Variants in CNNM4 observed in about 807,000 individuals in gnomAD.
CNNM4 encodes the protein metal transporter CNNM4.
Under a neutral mutation model 53.7 loss-of-function variants are expected in CNNM4, and 32 were observed. The ratio of observed to expected loss-of-function variants is 0.60; its 90% confidence interval spans 0.45 to 0.80. The LOEUF (loss-of-function observed/expected upper bound fraction) is 0.80, where lower values mean the gene tolerates loss of function less well. Among genes scored for constraint, CNNM4 ranks in the 30% least tolerant of loss-of-function variants. The probability of loss-of-function intolerance (pLI) is 0.00; values close to 1 mark genes in which losing one functional copy is unlikely to be tolerated. For synonymous variants in CNNM4, 410 were observed against 440.0 expected, an observed-to-expected ratio of 0.93 and a Z score of 0.85; for missense variants, 784 against 1,022.0, an observed-to-expected ratio of 0.77 and a Z score of 3.17.
At position 96,808,812 on chromosome 2, in the gene CNNM4, C is replaced by T. The variant is rs1574089316; in HGVS notation, c.2130+70C>T. ...AGGAATCAGCTACTACTTTCATCCA[C>T]CAAACCCAGCATGGTGGGCCCAAAC... On this transcript the variant is annotated intron_variant, in intron 6 of 6. Coordinates refer to ENST00000377075, the MANE Select transcript of CNNM4 (RefSeq NM_020184.4). This position sits in a 1 kb window ranked among gnomAD's most constrained non-coding sequence, Gnocchi z 4.9. 6.6e-7 allele frequency: 1 copy of T among 1,512,450 alleles called. No individual in the cohort carries two copies. Among genetic ancestry groups the T allele is most frequent in the Non-Finnish European group, 9.2e-7 (1 of 1,090,950 alleles). 93.7% of individuals were successfully genotyped at this position (1,512,450 alleles called of 1,614,324 possible).
intron 1 of CNNM4, among the ~76,000 whole-genome samples, chr2:96,786,733 C>T (rs1009679672): frequency 2.1e-5 from 3 of 143,508 alleles, no homozygotes; most frequent in Admixed American, 1.4e-4. Context: ...GAGCTGGGAT[C>T]GCACCACTGC....
chr2:96,775,010 G>A (rs1469789798), intron 1 of CNNM4, among the ~76,000 whole-genome samples: 1 of 139,342 alleles, frequency 7.2e-6, no homozygotes, highest in African/African-American at 2.7e-5. Flanking sequence ...CCAGAAGATT[G>A]GGAGATTCCA....
At chr2:96,806,110 C>T (rs547455490) in intron 5 of CNNM4, among the ~76,000 whole-genome samples, 4 of 145,172 alleles carry the variant, frequency 2.8e-5, no homozygotes, top group Non-Finnish European at 3.0e-5. Context: ...CCGGAGGGGG[C>T]GGCTGGCCGG....
In CNNM4 at chr2:96,799,547, T is replaced by C. The variant is rs1463178539; in HGVS notation, c.1852-5T>C. ...GTCTCTAACTCCAGCCCTGTGTTTT[T>C]TCAGGGGAAGGTGGAGGTGGAGGCA... On this transcript the variant is annotated splice_polypyrimidine_tract_variant and splice_region_variant and intron_variant, in intron 4 of 6. Coordinates refer to ENST00000377075, the MANE Select transcript of CNNM4 (RefSeq NM_020184.4). 1 of 1,553,324 alleles carries C rather than the reference T, an allele frequency of 6.4e-7. No individual in the cohort carries two copies. Among genetic ancestry groups the C allele is most frequent in the South Asian group, 1.2e-5 (1 of 84,160 alleles).
rs374638753 is a variant in CNNM4 at position 96,806,535 on chromosome 2, A to ACACACACACG, written c.1949-2025_1949-2024insACACACACGC. Among the ~76,000 whole-genome samples the ACACACACACG allele has an allele frequency of 2.1e-3, 259 of 123,976 alleles. 1 individual carries two copies. The highest frequency in any genetic ancestry group is 3.1e-3 in the Non-Finnish European group (174 of 55,430). 81.3% of individuals were successfully genotyped at this position (123,976 alleles called of 152,430 possible). The stretch of plus-strand genomic sequence containing the variant: ...CACACACACACACACACACACACAC[A>ACACACACACG]CGCGCGCGCGCGCGCGCGCCCTTAG... On this transcript the variant is annotated intron_variant, in intron 5 of 6. Coordinates refer to ENST00000377075, the MANE Select transcript of CNNM4 (RefSeq NM_020184.4).
intron 1 of CNNM4, among the ~76,000 whole-genome samples, chr2:96,783,668 C>T (rs2078992889): frequency 6.6e-6 from 1 of 152,154 alleles, no homozygotes; most frequent in African/African-American, 2.4e-5. Context: ...GAAAGTTAAA[C>T]ACACAAAACC....
chr2:96,803,666 C>CA (rs2079177595), intron 5 of CNNM4, among the ~76,000 whole-genome samples: 1 of 151,260 alleles, frequency 6.6e-6, no homozygotes, highest in African/African-American at 2.4e-5. Flanking sequence ...GCGGAGGTTG[C>CA]AGTGAGCTGA....
chr2:96,769,909 G>T (rs2078853918), intron 1 of CNNM4, among the ~76,000 whole-genome samples: 1 of 152,240 alleles, frequency 6.6e-6, no homozygotes, highest in South Asian at 2.1e-4. Context: ...ACAGGAGCTG[G>T]TTAATACTCC....
rs145313223 is a variant in CNNM4, at chr2:96,764,589, G to A, written c.1402+2188G>A. On this transcript the variant is annotated intron_variant, in intron 1 of 6. Transcript: ENST00000377075. The stretch of plus-strand genomic sequence containing the variant: ...AACCAGTTTTAACTCATTGCACACC[G>A]GGTTCCCTGCAGCGTGGCCTCTTCC... Among the ~76,000 whole-genome samples, 624 of 152,204 alleles carry A rather than the reference G, an allele frequency of 4.1e-3. 4 individuals are homozygous for A. Among genetic ancestry groups the A allele is most frequent in the African/African-American group, 0.014 (596 of 41,514 alleles).
rs886056481 is a variant in CNNM4, at chr2:96,811,082, C to T, written c.*1565C>T. Reference sequence around the variant, plus strand: ...CTTTCCTCACCCCAAGTGCCCTGCTCTCCAGGTGCCTAGAGTATCCTAACT... The same window carrying T: ...CTTTCCTCACCCCAAGTGCCCTGCTTTCCAGGTGCCTAGAGTATCCTAACT... On this transcript the variant is annotated 3_prime_UTR_variant, in exon 7 of 7. Transcript: ENST00000377075. The T allele has an allele frequency of 5.3e-5, 8 of 152,282 alleles. No individual in the cohort carries two copies. The highest frequency in any genetic ancestry group is 1.0e-4 in the Non-Finnish European group (7 of 68,092). 9.4% of individuals were successfully genotyped at this position (152,282 alleles called of 1,614,324 possible).
chr2:96,809,879 A>G lies in CNNM4; in HGVS notation c.*362A>G. ...AAAATATTTTTTTCCTAAAAACTAT[A>G]AAAGAGGAAGGGTTTCTTGTCCCGG... On this transcript the variant is annotated 3_prime_UTR_variant, in exon 7 of 7. Transcript: ENST00000377075. 1 of 174,152 alleles carries G rather than the reference A, an allele frequency of 5.7e-6. No homozygotes were observed. The highest frequency in any genetic ancestry group is 1.5e-4 in the East Asian group (1 of 6,664). 10.8% of individuals were successfully genotyped at this position (174,152 alleles called of 1,614,324 possible). A position where few individuals can be genotyped will look rare whatever the true frequency, so the allele number is the denominator to read the frequency against.
In CNNM4 at chr2:96,809,651, C is replaced by T. The variant is rs912563112; in HGVS notation, c.*134C>T. On this transcript the variant is annotated 3_prime_UTR_variant, in exon 7 of 7. Transcript: ENST00000377075. ...GACTGAACAGCCAGATGGCCCCCAGCCTATGGGGGATCTGGCCTCTGCCAG... is the reference window on the plus strand; with the variant it reads ...GACTGAACAGCCAGATGGCCCCCAGTCTATGGGGGATCTGGCCTCTGCCAG... 3 of 782,914 alleles carry T rather than the reference C, an allele frequency of 3.8e-6. No homozygotes were observed. Among genetic ancestry groups the T allele is most frequent in the African/African-American group, 3.5e-5 (2 of 57,592 alleles). The allele number at this position is 782,914 out of a possible 1,614,324, so 48.5% of individuals were successfully genotyped here. A position where few individuals can be genotyped will look rare whatever the true frequency, so the allele number is the denominator to read the frequency against.
intron 1 of CNNM4, among the ~76,000 whole-genome samples, chr2:96,790,782 G>C (rs1253796203): frequency 1.3e-5 from 2 of 150,904 alleles, no homozygotes; most frequent in African/African-American, 2.4e-5. Flanking sequence ...TTGGGAGTTA[G>C]AGACCAGCCT....
chr2:96,790,633 C>T (rs2079053874), intron 1 of CNNM4, among the ~76,000 whole-genome samples: 1 of 149,900 alleles, frequency 6.7e-6, no homozygotes, highest in Non-Finnish European at 1.5e-5. Flanking sequence ...GGATTACAGG[C>T]ATGAGCCACC....
At chr2:96,779,981 T>C (rs903102165) in intron 1 of CNNM4, among the ~76,000 whole-genome samples, 10 of 152,042 alleles carry the variant, frequency 6.6e-5, no homozygotes, top group African/African-American at 2.4e-4. Flanking sequence ...TTTTGTATTT[T>C]AGTAGAGACG....
rs756554389 is a variant in CNNM4 at position 96,796,707 on chromosome 2, G to C, written c.1403-305G>C. Among the ~76,000 whole-genome samples, 77 of 152,318 alleles carry C rather than the reference G, an allele frequency of 5.1e-4. 1 individual carries two copies. Among genetic ancestry groups the C allele is most frequent in the Admixed American group, 2.6e-4 (4 of 15,296 alleles). On this transcript the variant is annotated intron_variant, in intron 1 of 6. Transcript: ENST00000377075. ...GCCCAGAAGTTGGCGGCTGCAGTGA[G>C]CTATGATTGCGCCACTGCACTCCAG...
chr2:96,809,203 G>A, intron 6 of CNNM4, 117 bp from the exon 7 acceptor site: 1 of 1,549,052 alleles, frequency 6.5e-7, no homozygotes, highest in Non-Finnish European at 8.7e-7. Context: ...CAGAGACGCT[G>A]ACTGGTCATG....
chr2:96,793,232 C>T (rs900701182), intron 1 of CNNM4, among the ~76,000 whole-genome samples: 2 of 152,122 alleles, frequency 1.3e-5, no homozygotes, highest in African/African-American at 4.8e-5. Flanking sequence ...AACACTCCAC[C>T]ATGAAAGGTC....
rs1295801213 is a variant in CNNM4 at position 96,761,207 on chromosome 2, G to A, written c.208G>A (p.Glu70Lys). Residue 70 changes from glutamate to lysine, a missense_variant, in exon 1 of 7, where the codon GAG becomes AAG. Coordinates refer to ENST00000377075, the MANE Select transcript of CNNM4 (RefSeq NM_020184.4). This position sits in a 1 kb window ranked among gnomAD's most constrained non-coding sequence, Gnocchi z 6.0. ...TNPDGIIFVS[E>K]GSTVNLRLYG... Reference sequence around the variant, plus strand: ...CCCGGATGGCATCATCTTCGTGTCCGAGGGCAGCACCGTGAACCTGAGGCT... The same window carrying A: ...CCCGGATGGCATCATCTTCGTGTCCAAGGGCAGCACCGTGAACCTGAGGCT... The A allele has an allele frequency of 6.2e-7, 1 of 1,613,946 alleles. No individual in the cohort carries two copies. The highest frequency in any genetic ancestry group is 1.1e-5 in the South Asian group (1 of 91,080).
Sources: allele counts gnomAD v4.1 joint callset (sites outside exome capture counted in the v4.1 genomes callset), GRCh38; gene constraint gnomAD v4.1.1; non-coding constraint Gnocchi (gnomAD v3.1); transcripts MANE v1.5; gene names NCBI Gene and HGNC (gene_info 2026-07-23, HGNC 2026-07-21).